Variants in ZMIZ1 observed in about 807,000 individuals in gnomAD.
ZMIZ1 encodes the protein zinc finger MIZ domain-containing protein 1.
Under a neutral mutation model 113.9 loss-of-function variants are expected in ZMIZ1, and 17 were observed. That is an observed-to-expected ratio of 0.15 (90% confidence interval 0.10 to 0.22). The LOEUF is 0.22. Among genes scored for constraint, ZMIZ1 ranks in the 10% least tolerant of loss-of-function variants. The probability of loss-of-function intolerance (pLI) is 1.00; values close to 1 mark genes in which losing one functional copy is unlikely to be tolerated. For synonymous variants in ZMIZ1, 607 were observed against 603.1 expected, an observed-to-expected ratio of 1.01 and a Z score of -0.09; for missense variants, 1,059 against 1,477.8, an observed-to-expected ratio of 0.72 and a Z score of 4.65.
intron 7 of ZMIZ1, among the ~76,000 whole-genome samples, chr10:79,237,995 A>G (rs1021879920): frequency 8.1e-4 from 124 of 152,326 alleles, no homozygotes; most frequent in African/African-American, 2.9e-3. Flanking sequence ...CCAGGAGAGC[A>G]TGGCCAGTTC....
At position 79,316,293 on chromosome 10, in the gene ZMIZ1, T is replaced by C. The variant is rs1408535076; in HGVS notation, c.*3544T>C. 4 of 152,662 alleles carry C rather than the reference T, an allele frequency of 2.6e-5. No individual in the cohort carries two copies. Among genetic ancestry groups the C allele is most frequent in the African/African-American group, 9.6e-5 (4 of 41,464 alleles). The allele number at this position is 152,662 out of a possible 1,614,324, so 9.5% of individuals were successfully genotyped here. On this transcript the variant is annotated 3_prime_UTR_variant, in exon 25 of 25. Transcript: ENST00000334512. ...AACTGGTCAAAAAACTAATTGTGAT[T>C]TCTAGTCTTGCAAAGCTGTATGTAG...
chr10:79,255,814 A>G (rs750865862), intron 7 of ZMIZ1, among the ~76,000 whole-genome samples: 1 of 152,212 alleles, frequency 6.6e-6, no homozygotes, highest in South Asian at 2.1e-4. Context: ...CTGGAAAACA[A>G]TAGTGATTTC....
At chr10:79,103,344 C>G (rs1843437637) in intron 1 of ZMIZ1, among the ~76,000 whole-genome samples, 1 of 151,990 alleles carries the variant, frequency 6.6e-6, no homozygotes, top group African/African-American at 2.4e-5. Flanking sequence ...TAAGGAAGAG[C>G]AGGAAGGAAG....
At chr10:79,297,069 A>G (rs2132051367) in intron 13 of ZMIZ1, 1 of 171,594 alleles carries the variant, frequency 5.8e-6, no homozygotes, top group South Asian at 1.6e-4. Flanking sequence ...ACATGACATA[A>G]TAAGGATGAT....
At chr10:79,265,463 C>CTTTTTTTTTTT (rs869066608) in intron 7 of ZMIZ1, among the ~76,000 whole-genome samples, 6 of 131,730 alleles carry the variant, frequency 4.6e-5, no homozygotes, top group African/African-American at 1.6e-4. Context: ...CCTTTTTTTT[C>CTTTTTTTTTTT]TTTTCTTTTT....
intron 2 of ZMIZ1, among the ~76,000 whole-genome samples, chr10:79,124,769 T>C (rs1325079722): frequency 6.6e-6 from 1 of 151,998 alleles, no homozygotes; most frequent in Non-Finnish European, 1.5e-5. Context: ...CTTCCTGGGG[T>C]CTCTGCACAA....
At chr10:79,217,565 T>C (rs1174130129) in intron 7 of ZMIZ1, among the ~76,000 whole-genome samples, 4 of 152,230 alleles carry the variant, frequency 2.6e-5, no homozygotes, top group African/African-American at 9.6e-5. Context: ...AAAATGGACG[T>C]TTTCACTGAA....
At chr10:79,139,877 G>A (rs1485930454) in intron 3 of ZMIZ1, 100 bp downstream of exon 3, 1 of 398,460 alleles carries the variant, frequency 2.5e-6, no homozygotes, top group African/African-American at 2.1e-5. Flanking sequence ...CTGGACCAGA[G>A]CTGAGGGTTT....
chr10:79,240,636 A>ATTTTTTTTTTT (rs1589466733), intron 7 of ZMIZ1, among the ~76,000 whole-genome samples: 1 of 78,528 alleles, frequency 1.3e-5, no homozygotes. Context: ...AAGAGTATTT[A>ATTTTTTTTTTT]TCTTTTTTTT....
At chr10:79,105,034 G>T (rs1030821998) in intron 1 of ZMIZ1, among the ~76,000 whole-genome samples, 1 of 151,482 alleles carries the variant, frequency 6.6e-6, no homozygotes, top group African/African-American at 2.4e-5. Flanking sequence ...TGGAAAGTGA[G>T]GAAAATAGCA....
At chr10:79,195,032 T>G (rs1613295) in intron 4 of ZMIZ1, among the ~76,000 whole-genome samples, 95,220 of 152,050 alleles carry the variant, frequency 0.63, 30,049 homozygotes, top group African/African-American at 0.7. Flanking sequence ...GGGCAGCGTC[T>G]TGGCCTTGGG....
chr10:79,193,607 T>G (rs1847699392), intron 4 of ZMIZ1, among the ~76,000 whole-genome samples: 1 of 152,184 alleles, frequency 6.6e-6, no homozygotes. Context: ...TGGAAGACAT[T>G]CCAGCTGATG....
At chr10:79,197,031 A>C (rs761199504) in intron 4 of ZMIZ1, among the ~76,000 whole-genome samples, 2 of 152,194 alleles carry the variant, frequency 1.3e-5, no homozygotes, top group Non-Finnish European at 2.9e-5. Flanking sequence ...TAGGTTTGTC[A>C]ACAGCGCCCC....
Position 79,293,613 on chromosome 10 carries a change from C to T in ZMIZ1, c.1190C>T (p.Ser397Phe). The T allele has an allele frequency of 6.2e-7, 1 of 1,613,140 alleles. No homozygotes were observed. Among genetic ancestry groups the T allele is most frequent in the Non-Finnish European group, 8.5e-7 (1 of 1,180,034 alleles). ...ACCTACCCGGGCCCCCGGCCCCAGT[C>T]CCTTCCTATTCAGAACATAAAGAGG... ...QQTYPGPRPQ[S>F]LPIQNIKRPY... is the part of the protein sequence containing the mutation. The change falls in exon 12 of 25, where the codon TCC (serine) becomes TTC (phenylalanine). Residue 397 changes from serine (S) to phenylalanine (F), a missense_variant. Ser to Phe is a radical substitution (Grantham distance 155). Coordinates refer to ENST00000334512, the MANE Select transcript of ZMIZ1 (RefSeq NM_020338.4).
chr10:79,312,865 G>A lies in ZMIZ1; in HGVS notation c.*116G>A, dbSNP rs1855289272. ...CCGCCCCGCACCAGAGCCACGGGCT[G>A]TGGGGCGGGGAGCCCTCCCCCGCTG... On this transcript the variant is annotated 3_prime_UTR_variant, in exon 25 of 25. Transcript: ENST00000334512. 1 of 942,182 alleles carries A rather than the reference G, an allele frequency of 1.1e-6. No individual in the cohort carries two copies. Among genetic ancestry groups the A allele is most frequent in the Non-Finnish European group, 1.6e-6 (1 of 622,354 alleles). The allele number at this position is 942,182 out of a possible 1,614,324, so 58.4% of individuals were successfully genotyped here.
At chr10:79,136,992 A>G (rs941355700) in intron 2 of ZMIZ1, among the ~76,000 whole-genome samples, 5 of 152,310 alleles carry the variant, frequency 3.3e-5, no homozygotes, top group African/African-American at 1.2e-4. Flanking sequence ...CAGGGGCCTC[A>G]TGAGAAAGGG....
In ZMIZ1 at chr10:79,143,546, CA is replaced by C. The variant is rs529234471; in HGVS notation, c.-131+3772del. 3.0e-3 allele frequency among the ~76,000 whole-genome samples: 458 copies of C among 152,264 alleles called. 2 individuals are homozygous for C. The highest frequency in any genetic ancestry group is 0.011 in the African/African-American group (445 of 41,558). ...TGTTTCCTAAGCACCTGTGTTGTGC[CA>C]AATGCAGGGCTCGAGTCAGGGTGTG... On this transcript the variant is annotated intron_variant, in intron 3 of 24. Transcript: ENST00000334512.
chr10:79,231,951 G>A (rs937656172), intron 7 of ZMIZ1, among the ~76,000 whole-genome samples: 4 of 152,210 alleles, frequency 2.6e-5, no homozygotes, highest in East Asian at 3.9e-4. Context: ...GCTCTTGGGT[G>A]GCCAGTGGAG....
At chr10:79,127,042 A>T (rs1844541252) in intron 2 of ZMIZ1, among the ~76,000 whole-genome samples, 1 of 152,188 alleles carries the variant, frequency 6.6e-6, no homozygotes, top group South Asian at 2.1e-4. Flanking sequence ...ATAAAATGAG[A>T]GATGCGCCTC....
Sources: allele counts gnomAD v4.1 joint callset (sites outside exome capture counted in the v4.1 genomes callset), GRCh38; gene constraint gnomAD v4.1.1; transcripts MANE v1.5; gene names NCBI Gene and HGNC (gene_info 2026-07-23, HGNC 2026-07-21).